The following GPC3 variants were observed in gnomAD, a reference collection of about 807,000 sequenced individuals.
The protein encoded by GPC3 is glypican 3.
GPC3 carries 3 observed loss-of-function variants against 34.4 expected under a neutral mutation model. That is an observed-to-expected ratio of 0.09 (90% CI 0.04 to 0.23). The LOEUF is 0.23. Ranked by LOEUF, GPC3 falls within the 10% of genes least tolerant of loss-of-function variation. The pLI is 1.00. For missense variants in GPC3, 351 were observed against 445.6 expected, an observed-to-expected ratio of 0.79 and a Z score of 1.91; for synonymous variants, 177 against 174.0, an observed-to-expected ratio of 1.02 and a Z score of -0.13.
chrX:133,758,769 T>TA (rs1352838169), intron 2 of GPC3, among the ~76,000 whole-genome samples: 1 of 111,209 alleles, frequency 9.0e-6, no homozygotes, highest in Admixed American at 9.6e-5. Flanking sequence ...ATCAACAGCC[T>TA]AAATAAGAAA....
chrX:133,733,728 T>C (rs184861192), intron 3 of GPC3, among the ~76,000 whole-genome samples: 2 of 111,391 alleles, frequency 1.8e-5, no homozygotes, highest in Admixed American at 1.9e-4. Context: ...TGGCCTTATA[T>C]ACATAAAAAG....
rs572072407 is a variant in GPC3 at position 133,850,743 on chromosome X, C to T, written c.338-96567G>A. On this transcript the variant is annotated intron_variant, in intron 2 of 7. Coordinates refer to ENST00000370818, the MANE Select transcript of GPC3 (RefSeq NM_004484.4). Reference sequence around the variant, plus strand: ...TGGGTGACAATAGTCTTTACCTACTCTAACTTCTTTCCTTAGGCAGAATCT... The same window carrying T: ...TGGGTGACAATAGTCTTTACCTACTTTAACTTCTTTCCTTAGGCAGAATCT... 1.5e-4 allele frequency among the ~76,000 whole-genome samples: 17 copies of T among 111,419 alleles called. No homozygotes were observed. In the South Asian group the frequency reaches 6.5e-3, roughly 43 times the overall value.
intron 2 of GPC3, among the ~76,000 whole-genome samples, chrX:133,930,347 CATGA>C (rs2076293063): frequency 8.9e-6 from 1 of 112,098 alleles, no homozygotes; most frequent in Non-Finnish European, 1.9e-5. Flanking sequence ...GGACAACCTC[CATGA>C]CAAAGAATTA....
At chrX:133,917,299 G>A (rs1381657506) in intron 2 of GPC3, among the ~76,000 whole-genome samples, 1 of 111,867 alleles carries the variant, frequency 8.9e-6, no homozygotes, top group African/African-American at 3.2e-5. Context: ...CAATGACAGT[G>A]GAATTACCTG....
chrX:133,888,798 A>G (rs1279574667), intron 2 of GPC3, among the ~76,000 whole-genome samples: 1 of 112,374 alleles, frequency 8.9e-6, no homozygotes, highest in Non-Finnish European at 1.9e-5. Context: ...AAGGAACTAT[A>G]CATGTTCATG....
chrX:133,652,420 G>C (rs1381930172), intron 6 of GPC3, among the ~76,000 whole-genome samples: 1 of 110,843 alleles, frequency 9.0e-6, no homozygotes, highest in Non-Finnish European at 1.9e-5. Flanking sequence ...AAAATATCTA[G>C]ATCAACTTAT....
chrX:133,546,387 A>C (rs1224004040), intron 7 of GPC3, among the ~76,000 whole-genome samples: 1 of 110,047 alleles, frequency 9.1e-6, no homozygotes, highest in Non-Finnish European at 1.9e-5. Context: ...AGGATGTGGA[A>C]TAGCCAAGAT....
At chrX:133,690,648 G>A (rs758657828) in intron 5 of GPC3, among the ~76,000 whole-genome samples, 3 of 111,492 alleles carry the variant, frequency 2.7e-5, no homozygotes, top group Non-Finnish European at 5.7e-5. Flanking sequence ...ACCTAGCTTG[G>A]TGCCTAACAC....
At chrX:133,765,064 T>A (rs2071832900) in intron 2 of GPC3, among the ~76,000 whole-genome samples, 1 of 111,972 alleles carries the variant, frequency 8.9e-6, no homozygotes, top group African/African-American at 3.2e-5. Flanking sequence ...GTTCTTCCAA[T>A]AATCCACATA....
At chrX:133,883,695 G>A (rs762192446) in intron 2 of GPC3, among the ~76,000 whole-genome samples, 16 of 111,452 alleles carry the variant, frequency 1.4e-4, no homozygotes, top group African/African-American at 4.9e-4. Flanking sequence ...ATACTATCAA[G>A]TCTACTTTAA....
At chrX:133,708,382 C>A (rs1008957276) in intron 3 of GPC3, among the ~76,000 whole-genome samples, 8 of 111,781 alleles carry the variant, frequency 7.2e-5, no homozygotes, top group Non-Finnish European at 1.3e-4. Flanking sequence ...ATGATTGATG[C>A]TGTTTTCCAT....
At chrX:133,835,583 T>C (rs2075795806) in intron 2 of GPC3, among the ~76,000 whole-genome samples, 1 of 111,729 alleles carries the variant, frequency 9.0e-6, no homozygotes, top group Non-Finnish European at 1.9e-5. Context: ...TTAAAACCCT[T>C]CACTGGCTCT....
At chrX:133,844,882 T>C (rs1415515993) in intron 2 of GPC3, among the ~76,000 whole-genome samples, 1 of 112,138 alleles carries the variant, frequency 8.9e-6, no homozygotes, top group Non-Finnish European at 1.9e-5. Flanking sequence ...CAAAAATATC[T>C]TCACTGTAGA....
intron 3 of GPC3, among the ~76,000 whole-genome samples, chrX:133,730,978 TGTC>T (rs778012589): frequency 7.1e-5 from 8 of 112,207 alleles, no homozygotes; most frequent in Non-Finnish European, 1.3e-4. Context: ...CCATTCCAGA[TGTC>T]GTTCTCTACT....
At chrX:133,905,148 A>G (rs1037014171) in intron 2 of GPC3, among the ~76,000 whole-genome samples, 4 of 112,314 alleles carry the variant, frequency 3.6e-5, no homozygotes, top group Non-Finnish European at 7.5e-5. Flanking sequence ...AAAACCATAT[A>G]ATCAAGAACC....
intron 2 of GPC3, among the ~76,000 whole-genome samples, chrX:133,896,466 G>A: frequency 9.0e-6 from 1 of 111,359 alleles, no homozygotes. Flanking sequence ...CCATCAAAAT[G>A]TCTCTAAGTT....
intron 5 of GPC3, among the ~76,000 whole-genome samples, chrX:133,678,354 G>A (rs192899666): frequency 3.8e-4 from 43 of 111,722 alleles, no homozygotes; most frequent in African/African-American, 1.3e-3. Context: ...GCATCAGGGA[G>A]GAAAAGGTAA....
At chrX:133,637,652 A>C (rs1258076248) in intron 6 of GPC3, among the ~76,000 whole-genome samples, 1 of 110,742 alleles carries the variant, frequency 9.0e-6, no homozygotes, top group Non-Finnish European at 1.9e-5. Context: ...GTTAAAATAA[A>C]ATTTTTTTAG....
intron 2 of GPC3, among the ~76,000 whole-genome samples, chrX:133,888,297 C>T (rs2076071021): frequency 9.0e-6 from 1 of 111,595 alleles, no homozygotes; most frequent in Admixed American, 9.5e-5. Flanking sequence ...TGTATATGTG[C>T]CACATTTTCT....
Sources: allele counts gnomAD v4.1 joint callset (sites outside exome capture counted in the v4.1 genomes callset), GRCh38; gene constraint gnomAD v4.1.1; transcripts MANE v1.5; gene names NCBI Gene and HGNC (gene_info 2026-07-23, HGNC 2026-07-21).